Variants in MYO18B observed in about 807,000 individuals in gnomAD.
MYO18B encodes unconventional myosin-XVIIIb.
In MYO18B, 204 loss-of-function variants were observed where a neutral mutation model predicts 273.0. The ratio of observed to expected loss-of-function variants is 0.75; its 90% CI spans 0.67 to 0.84. The LOEUF is 0.84. MYO18B is among the 40% of genes least tolerant of loss of function. MYO18B has a pLI of 0.00. For synonymous variants in MYO18B, 1,330 were observed against 1,305.7 expected (o/e 1.02, Z -0.40); for missense variants, 3,212 against 3,287.6 (o/e 0.98, Z 0.56).
At chr22:25,807,335 G>A (rs564069794) in intron 12 of MYO18B, among the ~76,000 whole-genome samples, 26 of 152,348 alleles carry the variant, frequency 1.7e-4, no homozygotes, top group Admixed American at 6.5e-4. Context: ...TCAGATTGAA[G>A]TAAGAATTCC....
intron 11 of MYO18B, among the ~76,000 whole-genome samples, chr22:25,790,550 C>A (rs1297899294): frequency 6.6e-6 from 1 of 152,174 alleles, no homozygotes; most frequent in East Asian, 1.9e-4. Context: ...GGGAGTCTTA[C>A]TTGTCTTGAT....
intron 4 of MYO18B, 165 bp from the exon 5 acceptor site, chr22:25,769,945 C>T (rs867415164): frequency 1.7e-4 from 112 of 678,612 alleles, no homozygotes; most frequent in Admixed American, 1.5e-4. Flanking sequence ...CTCCCGGGTC[C>T]GCAACGGGAA....
At chr22:25,866,647 T>C (rs1601401600) in intron 21 of MYO18B, among the ~76,000 whole-genome samples, 1 of 152,130 alleles carries the variant, frequency 6.6e-6, no homozygotes, top group African/African-American at 2.4e-5. Context: ...GAGACCATCC[T>C]GGCTAACATG....
At chr22:25,809,778 G>A (rs1340598651) in intron 12 of MYO18B, among the ~76,000 whole-genome samples, 1 of 152,146 alleles carries the variant, frequency 6.6e-6, no homozygotes, top group Non-Finnish European at 1.5e-5. Flanking sequence ...GGTCCATCCA[G>A]GGGTAGGAAG....
At chr22:25,986,319 AT>A (rs1351881177) in intron 39 of MYO18B, among the ~76,000 whole-genome samples, 1 of 152,110 alleles carries the variant, frequency 6.6e-6, no homozygotes, top group Non-Finnish European at 1.5e-5. Context: ...TAAAGTATAT[AT>A]TTTTTAACTT....
Position 25,768,951 on chromosome 22 carries a change from A to C in MYO18B, c.1035A>C (p.Ala345=). The C allele has an allele frequency of 6.2e-7, 1 of 1,611,920 alleles. No individual in the cohort carries two copies. The highest frequency in any genetic ancestry group is 8.5e-7 in the Non-Finnish European group (1 of 1,178,990). Residue 345 remains alanine (A), a synonymous_variant, in exon 4 of 44, where the codon GCA becomes GCC. Coordinates refer to ENST00000335473, the MANE Select transcript of MYO18B (RefSeq NM_032608.7). The part of the protein sequence containing the change: ...KDKEGVLLSK[A]EKTGEPQTQM... ...AAGAAGGGGTGCTCTTAAGTAAGGC[A>C]GAGAAGACAGGTGAGCCTCAGACCC...
intron 3 of MYO18B, among the ~76,000 whole-genome samples, chr22:25,766,816 C>A (rs1428443799): frequency 6.6e-6 from 1 of 152,206 alleles, no homozygotes; most frequent in African/African-American, 2.4e-5. Flanking sequence ...AATGATTTTC[C>A]TTTAGGCTGT....
intron 34 of MYO18B, among the ~76,000 whole-genome samples, chr22:25,922,193 C>T (rs936652204): frequency 1.3e-5 from 2 of 152,140 alleles, no homozygotes; most frequent in Non-Finnish European, 2.9e-5. Context: ...AGCTTGAAAG[C>T]GGCAGAGCCA....
At chr22:25,965,127 A>T (rs1310547487) in intron 39 of MYO18B, 2 of 152,390 alleles carry the variant, frequency 1.3e-5, no homozygotes, top group East Asian at 3.9e-4. Context: ...AGTCATAAAT[A>T]GTTAATAGGC....
chr22:25,854,300 A>C (rs2090506944), intron 21 of MYO18B, among the ~76,000 whole-genome samples: 2 of 152,214 alleles, frequency 1.3e-5, no homozygotes, highest in Admixed American at 6.5e-5. Flanking sequence ...ATAAACTCTC[A>C]TTATAAAATA....
At chr22:26,025,977 G>A (rs918505059) in intron 42 of MYO18B, among the ~76,000 whole-genome samples, 6 of 152,222 alleles carry the variant, frequency 3.9e-5, no homozygotes, top group African/African-American at 1.2e-4. Flanking sequence ...ATGTCATGGG[G>A]TATCCCGTGG....
intron 1 of MYO18B, 57 bp from the exon 2 acceptor site, chr22:25,760,927 G>A: frequency 1.3e-6 from 1 of 744,316 alleles, no homozygotes; most frequent in Admixed American, 2.1e-5. Context: ...GAGTAGGGCT[G>A]TGCCCATGAG....
intron 12 of MYO18B, among the ~76,000 whole-genome samples, chr22:25,814,317 T>C (rs1888879567): frequency 1.8e-5 from 2 of 111,662 alleles, no homozygotes; most frequent in African/African-American, 4.6e-5. Context: ...TTTTTTTTTT[T>C]TTTTTTTTTT....
At chr22:26,031,481 G>C (rs1025450603), downstream of MYO18B, among the ~76,000 whole-genome samples, 10 of 152,122 alleles carry the variant, frequency 6.6e-5, no homozygotes, top group African/African-American at 2.4e-4. Context: ...GTTCATGTCT[G>C]TATCCAGATT....
intron 42 of MYO18B, among the ~76,000 whole-genome samples, chr22:26,025,184 G>A (rs1035878600): frequency 1.3e-5 from 2 of 152,158 alleles, no homozygotes; most frequent in African/African-American, 4.8e-5. Context: ...CCCTGGGAAA[G>A]ACACTGCTCT....
At chr22:25,836,914 A>T (rs1475727800) in intron 17 of MYO18B, among the ~76,000 whole-genome samples, 2 of 151,822 alleles carry the variant, frequency 1.3e-5, no homozygotes, top group Non-Finnish European at 2.9e-5. Context: ...ATGAGCCAAG[A>T]TCGCACCAGG....
At chr22:25,839,817 G>A (rs1340993574) in intron 17 of MYO18B, among the ~76,000 whole-genome samples, 1 of 152,192 alleles carries the variant, frequency 6.6e-6, no homozygotes, top group East Asian at 1.9e-4. Flanking sequence ...GGGCCCCAGA[G>A]CCCTGAGCTG....
intron 39 of MYO18B, among the ~76,000 whole-genome samples, chr22:25,988,552 A>G (rs1048501008): frequency 6.6e-6 from 1 of 151,784 alleles, no homozygotes; most frequent in Non-Finnish European, 1.5e-5. Flanking sequence ...AAGCCAACTC[A>G]CCTTCTATGC....
chr22:25,889,561 T>A (rs2091600359), intron 25 of MYO18B, among the ~76,000 whole-genome samples: 1 of 151,728 alleles, frequency 6.6e-6, no homozygotes, highest in African/African-American at 2.4e-5. Context: ...CTTTCTTTTT[T>A]TTTTTTTACA....
Sources: allele counts gnomAD v4.1 joint callset (sites outside exome capture counted in the v4.1 genomes callset), GRCh38; gene constraint gnomAD v4.1.1; transcripts MANE v1.5; gene names NCBI Gene and HGNC (gene_info 2026-07-23, HGNC 2026-07-21).